Variants in SND1 observed in about 807,000 individuals in gnomAD.
SND1 encodes the protein staphylococcal nuclease domain-containing protein 1.
Under a neutral mutation model 121.7 loss-of-function variants are expected in SND1, and 38 were observed. The observed-to-expected ratio is 0.31, with a 90% CI of 0.24 to 0.41. The LOEUF is 0.41. Ranked by LOEUF, SND1 falls within the 10% of genes least tolerant of loss-of-function variation. SND1 has a pLI of 1.00. For missense variants in SND1, 868 were observed against 1,184.6 expected, an observed-to-expected ratio of 0.73 and a Z score of 3.92; for synonymous variants, 401 against 447.4, an observed-to-expected ratio of 0.90 and a Z score of 1.31.
At chr7:127,787,214 G>A (rs940253037) in intron 10 of SND1, among the ~76,000 whole-genome samples, 1 of 152,072 alleles carries the variant, frequency 6.6e-6, no homozygotes, top group Non-Finnish European at 1.5e-5. Flanking sequence ...TTGTTTGTTG[G>A]TTTTTATTGA....
At chr7:127,791,142 T>C (rs1048944480) in intron 10 of SND1, among the ~76,000 whole-genome samples, 6 of 55,028 alleles carry the variant, frequency 1.1e-4, no homozygotes, top group African/African-American at 1.8e-4. Flanking sequence ...TTACCTCTCC[T>C]TTTTTTTTTT....
intron 9 of SND1, among the ~76,000 whole-genome samples, chr7:127,720,742 C>T (rs1035520159): frequency 6.6e-6 from 1 of 152,204 alleles, no homozygotes; most frequent in Non-Finnish European, 1.5e-5. Context: ...TTTCATGTTT[C>T]TGCCTGTGAG....
chr7:127,831,986 C>G (rs1475446594), intron 11 of SND1, among the ~76,000 whole-genome samples: 1 of 152,170 alleles, frequency 6.6e-6, no homozygotes, highest in African/African-American at 2.4e-5. Flanking sequence ...TTTTGTTCCC[C>G]TAAAAGGATT....
intron 14 of SND1, among the ~76,000 whole-genome samples, chr7:127,908,296 A>G (rs1233351594): frequency 6.9e-6 from 1 of 145,924 alleles, no homozygotes; most frequent in Non-Finnish European, 1.5e-5. Context: ...CCCCATCTCT[A>G]CCAAAAAAAA....
At chr7:127,688,198 G>A (rs1795850318) in intron 2 of SND1, among the ~76,000 whole-genome samples, 1 of 152,000 alleles carries the variant, frequency 6.6e-6, no homozygotes, top group South Asian at 2.1e-4. Context: ...AGAACCTTCT[G>A]TGCCTATGTC....
intron 11 of SND1, among the ~76,000 whole-genome samples, chr7:127,820,926 C>G (rs757381530): frequency 6.6e-6 from 1 of 152,160 alleles, no homozygotes. Context: ...TTCTGTTCTT[C>G]TTCCAGCAGC....
At chr7:127,834,070 A>G (rs1463732759) in intron 11 of SND1, among the ~76,000 whole-genome samples, 1 of 151,988 alleles carries the variant, frequency 6.6e-6, no homozygotes, top group Non-Finnish European at 1.5e-5. Context: ...GTATGTATCT[A>G]CCATATTTTG....
rs116038930 is a variant in SND1 at position 127,853,621 on chromosome 7, A to T, written c.1343+9197A>T. ...CAGGGTTTAATGCTGCCCTGCTGGTAGAGATTTTACTGGGCTTGTATTTTT... is the reference window on the plus strand; with the variant it reads ...CAGGGTTTAATGCTGCCCTGCTGGTTGAGATTTTACTGGGCTTGTATTTTT... On this transcript the variant is annotated intron_variant, in intron 12 of 23. Transcript: ENST00000354725. Among the ~76,000 whole-genome samples, 870 of 152,282 alleles carry T rather than the reference A, an allele frequency of 5.7e-3. 12 individuals carry two copies. The highest frequency in any genetic ancestry group is 0.02 in the African/African-American group (830 of 41,550).
chr7:127,807,553 A>G lies in SND1; in HGVS notation c.1222A>G (p.Lys408Glu). 1.2e-6 allele frequency: 2 copies of G among 1,613,936 alleles called. No homozygotes were observed. The change falls in exon 11 of 24, where the codon AAA becomes GAA. Residue 408 changes from lysine (K) to glutamate (E), a missense_variant. Around this residue, in one of 2 missense-constraint regions of SND1, gnomAD observed 743 missense variants for 1,071.3 expected, o/e 0.69. Transcript: ENST00000354725. ...GTTTGAGGCCCGGGAATTTCTTCGA[A>G]AAAAGCTTATTGGGAAGAAGGTAAG... Reference protein sequence around the residue: ...YMFEAREFLRKKLIGKKVNVT... With the variant: ...YMFEAREFLREKLIGKKVNVT...
intron 10 of SND1, among the ~76,000 whole-genome samples, chr7:127,745,212 C>T (rs1380897899): frequency 6.6e-6 from 1 of 152,186 alleles, no homozygotes. Flanking sequence ...GCTTACTACA[C>T]ACCTAGGCAA....
chr7:128,029,120 G>C lies in SND1; in HGVS notation c.1779+38064G>C. On this transcript the variant is annotated intron_variant, in intron 16 of 23. Coordinates refer to ENST00000354725, the MANE Select transcript of SND1 (RefSeq NM_014390.4). This position sits in a 1 kb window ranked among gnomAD's most constrained non-coding sequence, Gnocchi z 4.2. Reference sequence around the variant, plus strand: ...GCATCTTGTCAGTGGTGTCTGTCGCGGGTACTGCCACCTGCTTGGGCACAC... The same window carrying C: ...GCATCTTGTCAGTGGTGTCTGTCGCCGGTACTGCCACCTGCTTGGGCACAC... 6.2e-7 allele frequency: 1 copy of C among 1,614,068 alleles called. No homozygotes were observed. The highest frequency in any genetic ancestry group is 1.1e-5 in the South Asian group (1 of 91,066).
At chr7:127,698,220 T>C (rs1307881533) in intron 3 of SND1, among the ~76,000 whole-genome samples, 2 of 152,208 alleles carry the variant, frequency 1.3e-5, no homozygotes, top group Non-Finnish European at 2.9e-5. Flanking sequence ...GTGTAGCTTG[T>C]CTTGGTGTCC....
intron 16 of SND1, among the ~76,000 whole-genome samples, chr7:128,020,297 T>C (rs1803316918): frequency 6.6e-6 from 1 of 152,320 alleles, no homozygotes; most frequent in Non-Finnish European, 1.5e-5. Flanking sequence ...AAGGGAACTA[T>C]AAAGGATTGC....
intron 12 of SND1, among the ~76,000 whole-genome samples, chr7:127,872,628 GCACACACACACACACACACACACACA>G (rs56324746): frequency 7.2e-6 from 1 of 139,846 alleles, no homozygotes; most frequent in African/African-American, 2.6e-5. Context: ...TAACACACAC[GCACACACACACACACACACACACACA>G]CACACACACA....
chr7:127,710,942 C>G (rs1162992530), intron 9 of SND1, among the ~76,000 whole-genome samples: 1 of 152,116 alleles, frequency 6.6e-6, no homozygotes, highest in Non-Finnish European at 1.5e-5. Context: ...ATGGCTACTT[C>G]TAGTTTCCTG....
At chr7:127,713,986 G>A (rs1355183637) in intron 9 of SND1, among the ~76,000 whole-genome samples, 3 of 151,952 alleles carry the variant, frequency 2.0e-5, no homozygotes, top group South Asian at 4.2e-4. Flanking sequence ...GCTGTTTGTA[G>A]CCATATGGTC....
intron 12 of SND1, among the ~76,000 whole-genome samples, chr7:127,860,604 C>T (rs763452396): frequency 1.7e-4 from 26 of 152,270 alleles, no homozygotes; most frequent in Non-Finnish European, 2.8e-4. Context: ...TGTAAGGTTC[C>T]TTTTAACCCT....
intron 16 of SND1, among the ~76,000 whole-genome samples, chr7:127,996,355 A>G (rs568269869): frequency 1.3e-5 from 2 of 152,316 alleles, no homozygotes; most frequent in South Asian, 4.1e-4. Flanking sequence ...TGTCTGAAAT[A>G]GATAAACTGC....
At chr7:127,869,218 A>G (rs1277528173) in intron 12 of SND1, among the ~76,000 whole-genome samples, 2 of 152,148 alleles carry the variant, frequency 1.3e-5, no homozygotes, top group Non-Finnish European at 2.9e-5. Flanking sequence ...CAAAGGCAAC[A>G]CTAGAGACAG....
Sources: allele counts gnomAD v4.1 joint callset (sites outside exome capture counted in the v4.1 genomes callset), GRCh38; gene constraint gnomAD v4.1.1; regional missense constraint gnomAD v4.1.1; non-coding constraint Gnocchi (gnomAD v3.1); transcripts MANE v1.5; gene names NCBI Gene and HGNC (gene_info 2026-07-23, HGNC 2026-07-21).